The following WDR25 variants were observed in gnomAD, a reference collection of about 807,000 sequenced individuals.
The protein encoded by WDR25 is WD repeat-containing protein 25.
A neutral mutation model predicts 47.7 loss-of-function variants in WDR25; 35 were observed. The ratio of observed to expected loss-of-function variants is 0.73; its 90% confidence interval spans 0.56 to 0.97. The LOEUF (loss-of-function observed/expected upper bound fraction) is 0.97. Ranked by LOEUF, WDR25 falls within the 50% of genes least tolerant of loss-of-function variation. WDR25 has a pLI of 0.00. For synonymous variants in WDR25, 248 were observed against 278.9 expected (o/e 0.89, Z 1.10); for missense variants, 634 against 704.7 (o/e 0.90, Z 1.14).
intron 2 of WDR25, among the ~76,000 whole-genome samples, chr14:100,397,955 C>T (rs1393767597): frequency 6.6e-6 from 1 of 152,204 alleles, no homozygotes; most frequent in Non-Finnish European, 1.5e-5. Context: ...TCTCCTGCCT[C>T]AGCCTCCTGA....
At chr14:100,406,914 C>G (rs528309327) in intron 2 of WDR25, 7 of 152,512 alleles carry the variant, frequency 4.6e-5, no homozygotes, top group Admixed American at 1.3e-4. Flanking sequence ...GTGGCTAGGC[C>G]CCCCTTCTCC....
At chr14:100,448,209 AAAAG>A (rs1241863652) in intron 2 of WDR25, among the ~76,000 whole-genome samples, 5 of 151,938 alleles carry the variant, frequency 3.3e-5, no homozygotes, top group African/African-American at 1.2e-4. Context: ...AAAAAAAAAA[AAAAG>A]AAGATTTTAG....
intron 4 of WDR25, among the ~76,000 whole-genome samples, chr14:100,521,347 T>G (rs966066598): frequency 6.6e-6 from 1 of 152,224 alleles, no homozygotes; most frequent in Non-Finnish European, 1.5e-5. Flanking sequence ...CAAGGTACAT[T>G]TCGAGAAATC....
At chr14:100,423,329 G>A (rs1898078664) in intron 2 of WDR25, among the ~76,000 whole-genome samples, 1 of 152,146 alleles carries the variant, frequency 6.6e-6, no homozygotes, top group African/African-American at 2.4e-5. Context: ...GATGGAAGCT[G>A]TCGGTGGTTG....
rs1300606798 is a variant in WDR25, at chr14:100,499,816, CCAGTCCTTGCTAAT to C, written c.1101+15696_1101+15709del. On this transcript the variant is annotated intron_variant, in intron 4 of 6. Coordinates refer to ENST00000402312, the MANE Select transcript of WDR25 (RefSeq NM_001161476.3). The surrounding 1 kb of genome is among the most constrained non-coding windows in gnomAD (Gnocchi z 4.4). ...AAGTTCGCTGTGTTCTGCTTTGCTC[CCAGTCCTTGCTAAT>C]CAGCCCAGCCAAGCACCTCAGAACT... 6.6e-6 allele frequency among the ~76,000 whole-genome samples: 1 copy of C among 152,138 alleles called. No individual in the cohort carries two copies. Among genetic ancestry groups the C allele is most frequent in the Non-Finnish European group, 1.5e-5 (1 of 68,026 alleles).
chr14:100,480,382 G>A (rs967308226), intron 3 of WDR25, among the ~76,000 whole-genome samples: 1 of 152,152 alleles, frequency 6.6e-6, no homozygotes, highest in Non-Finnish European at 1.5e-5. Context: ...AAGAGGTATA[G>A]ATTCTTCATT....
intron 2 of WDR25, among the ~76,000 whole-genome samples, chr14:100,431,610 G>A (rs528900282): frequency 1.3e-5 from 2 of 151,422 alleles, no homozygotes; most frequent in East Asian, 2.0e-4. Context: ...GCAATGGGAC[G>A]ATCTCTGCTC....
intron 3 of WDR25, among the ~76,000 whole-genome samples, chr14:100,477,045 A>G (rs1900041997): frequency 6.6e-6 from 1 of 152,224 alleles, no homozygotes; most frequent in Non-Finnish European, 1.5e-5. Flanking sequence ...CTTCTATGTT[A>G]ACTAAGAACT....
At chr14:100,418,395 A>C (rs1335205612) in intron 2 of WDR25, among the ~76,000 whole-genome samples, 11 of 151,656 alleles carry the variant, frequency 7.3e-5, no homozygotes, top group African/African-American at 2.4e-5. Context: ...GCACTTTGGG[A>C]GGCCGAGGTG....
intron 2 of WDR25, among the ~76,000 whole-genome samples, chr14:100,455,810 A>G (rs1020318986): frequency 1.3e-5 from 2 of 152,232 alleles, no homozygotes; most frequent in Non-Finnish European, 2.9e-5. Context: ...GAATGAGATC[A>G]GTTTGTAGAT....
Position 100,386,574 on chromosome 14 carries a change from T to A in WDR25, c.822+4828T>A, listed in dbSNP as rs565544589. Among the ~76,000 whole-genome samples the A allele has an allele frequency of 1.4e-4, 21 of 152,302 alleles. No homozygotes were observed. The South Asian group carries it at 4.2e-3, about 30-fold the overall frequency. On this transcript the variant is annotated intron_variant, in intron 2 of 6. Coordinates refer to ENST00000402312, the MANE Select transcript of WDR25 (RefSeq NM_001161476.3). ...AATATGGCTATACATAAATATTGTC[T>A]TTTTTTGCTGCCTTAATGCAGTTAA...
chr14:100,437,296 C>T (rs1341635614), intron 2 of WDR25, among the ~76,000 whole-genome samples: 1 of 152,190 alleles, frequency 6.6e-6, no homozygotes, highest in Non-Finnish European at 1.5e-5. Flanking sequence ...GCCCCATCCT[C>T]TCCTCAAGAG....
chr14:100,445,318 C>T (rs1478842812), intron 2 of WDR25, among the ~76,000 whole-genome samples: 4 of 152,176 alleles, frequency 2.6e-5, no homozygotes, highest in Non-Finnish European at 5.9e-5. Flanking sequence ...TTGTTTTGGA[C>T]ACCAGATTTA....
chr14:100,468,696 AG>A lies in WDR25; in HGVS notation c.970+529del, dbSNP rs1339610703. Among the ~76,000 whole-genome samples the A allele has an allele frequency of 6.6e-6, 1 of 152,042 alleles. No homozygotes were observed. The highest frequency in any genetic ancestry group is 2.4e-5 in the African/African-American group (1 of 41,372). On this transcript the variant is annotated intron_variant, in intron 3 of 6. Transcript: ENST00000402312. The surrounding 1 kb of genome is among the most constrained non-coding windows in gnomAD (Gnocchi z 4.5). ...TTGACAAGCAGGGCGAGAAGGAGAGAGAAGTCAGTGGAAGGAACTTTCCTTA... is the reference window on the plus strand; with the variant it reads ...TTGACAAGCAGGGCGAGAAGGAGAGAAAGTCAGTGGAAGGAACTTTCCTTA...
chr14:100,487,016 T>C (rs2140325523), intron 4 of WDR25, among the ~76,000 whole-genome samples: 1 of 152,334 alleles, frequency 6.6e-6, no homozygotes, highest in Admixed American at 6.5e-5. Flanking sequence ...TTAAAAAAAT[T>C]ATAAAAGCAC....
At chr14:100,469,302 G>A (rs1278014611) in intron 3 of WDR25, among the ~76,000 whole-genome samples, 1 of 152,186 alleles carries the variant, frequency 6.6e-6, no homozygotes, top group East Asian at 1.9e-4. Context: ...GAGTGTGGGC[G>A]GCCTTGCAGC....
In WDR25 at chr14:100,381,084, A is replaced by C. The variant is rs781754922; in HGVS notation, c.160A>C (p.Thr54Pro). ...RPPGQDFASG[T>P]LDVPKAGAQP... The stretch of plus-strand genomic sequence containing the variant: ...ACCTGGGCAGGATTTTGCATCTGGT[A>C]CACTGGATGTGCCCAAAGCAGGGGC... Residue 54 changes from threonine to proline, a missense_variant, in exon 2 of 7, where the codon ACA becomes CCA. Coordinates refer to ENST00000402312, the MANE Select transcript of WDR25 (RefSeq NM_001161476.3). 2 of 1,614,206 alleles carry C rather than the reference A, an allele frequency of 1.2e-6. No individual in the cohort carries two copies. The highest frequency in any genetic ancestry group is 1.7e-6 in the Non-Finnish European group (2 of 1,180,016).
rs1365124551 is a variant in WDR25 at position 100,378,742 on chromosome 14, A to C, written c.-15-2168A>C. ...GGGAGGCCGAGGCGGGCGGATCACG[A>C]GGTCAGGAGATCGAGACCATCCCGG... On this transcript the variant is annotated intron_variant, in intron 1 of 6. Transcript: ENST00000402312. 2.5e-5 allele frequency among the ~76,000 whole-genome samples: 2 copies of C among 80,676 alleles called. 1 individual carries two copies. The highest frequency in any genetic ancestry group is 7.2e-5 in the Non-Finnish European group (2 of 27,912). 52.9% of individuals were successfully genotyped at this position (80,676 alleles called of 152,430 possible).
At chr14:100,389,788 G>A (rs1897098297) in intron 2 of WDR25, among the ~76,000 whole-genome samples, 2 of 152,208 alleles carry the variant, frequency 1.3e-5, no homozygotes, top group South Asian at 4.1e-4. Context: ...GCTTTGCCAG[G>A]GCTTGTGGGG....
Sources: gnomAD v4.1 joint callset for allele counts (sites outside exome capture counted in the v4.1 genomes callset) on GRCh38, gnomAD v4.1.1 for gene constraint, Gnocchi (gnomAD v3.1) non-coding constraint, MANE v1.5 for transcripts, NCBI Gene and HGNC (gene_info 2026-07-23, HGNC 2026-07-21) for gene names.